RAPGEF6: variants seen among roughly 807,000 people sequenced by gnomAD.
The protein encoded by RAPGEF6 is Rap guanine nucleotide exchange factor 6.
A neutral mutation model predicts 171.4 loss-of-function variants in RAPGEF6; 56 were observed. The observed-to-expected ratio is 0.33, with a 90% CI of 0.26 to 0.41. RAPGEF6 has a LOEUF of 0.41. RAPGEF6 is among the 10% of genes least tolerant of loss of function. The pLI, the probability that RAPGEF6 is intolerant of heterozygous loss-of-function variation, is 1.00. For synonymous variants in RAPGEF6, 692 were observed against 650.1 expected (o/e 1.06, Z -0.98); for missense variants, 1,674 against 1,921.4 (o/e 0.87, Z 2.41).
At chr5:131,458,765 T>C (rs1244299503) in intron 19 of RAPGEF6, among the ~76,000 whole-genome samples, 1 of 152,188 alleles carries the variant, frequency 6.6e-6, no homozygotes, top group Non-Finnish European at 1.5e-5. Flanking sequence ...GTGATTCTCC[T>C]GCCTCAGCCT....
rs1249430825 is a variant in RAPGEF6, at chr5:131,431,294, T to A, written c.4030A>T (p.Ser1344Cys). Residue 1344 changes from serine to cysteine, a missense_variant, in exon 26 of 28, where the codon AGC (serine) becomes TGC (cysteine). Coordinates refer to ENST00000509018, the MANE Select transcript of RAPGEF6 (RefSeq NM_016340.6). Reference sequence around the variant, plus strand: ...TGCTCTTGAGAAATCTCTTCATTGCTCACAGACGATGAGACAGCTAAACAC... The same window carrying A: ...TGCTCTTGAGAAATCTCTTCATTGCACACAGACGATGAGACAGCTAAACAC... ...IKCLAVSSSV[S>C]NEEISQEHII... 1 of 1,613,584 alleles carries A rather than the reference T, an allele frequency of 6.2e-7. No homozygotes were observed. The highest frequency in any genetic ancestry group is 1.3e-5 in the African/African-American group (1 of 74,916).
chr5:131,509,147 C>T (rs1240973078), intron 8 of RAPGEF6, among the ~76,000 whole-genome samples: 1 of 152,184 alleles, frequency 6.6e-6, no homozygotes, highest in African/African-American at 2.4e-5. Context: ...GTGATCTTTG[C>T]ATCTTAAAGA....
intron 8 of RAPGEF6, among the ~76,000 whole-genome samples, chr5:131,509,453 G>C (rs1350205517): frequency 1.3e-5 from 2 of 152,030 alleles, no homozygotes; most frequent in African/African-American, 4.8e-5. Context: ...TGAGGCAGGA[G>C]AATGGCGTGA....
At chr5:131,599,969 C>T (rs1424410456) in intron 3 of RAPGEF6, among the ~76,000 whole-genome samples, 2 of 152,166 alleles carry the variant, frequency 1.3e-5, no homozygotes, top group African/African-American at 4.8e-5. Context: ...CATACTGAAA[C>T]TAATCTGTAA....
At chr5:131,427,991 T>C (rs1267237819) in intron 27 of RAPGEF6, among the ~76,000 whole-genome samples, 2 of 151,902 alleles carry the variant, frequency 1.3e-5, no homozygotes, top group African/African-American at 2.4e-5. Context: ...TAGTCCCACC[T>C]ACTTGGGAGG....
chr5:131,540,967 C>T (rs1385963540), intron 6 of RAPGEF6, among the ~76,000 whole-genome samples: 1 of 152,192 alleles, frequency 6.6e-6, no homozygotes. Flanking sequence ...GGCGACAGTG[C>T]AAGACTCCGT....
chr5:131,448,336 T>G (rs1042371871), intron 21 of RAPGEF6, among the ~76,000 whole-genome samples: 1 of 152,226 alleles, frequency 6.6e-6, no homozygotes, highest in Non-Finnish European at 1.5e-5. Context: ...AATAAAAATA[T>G]TGATTTTTAA....
intron 4 of RAPGEF6, among the ~76,000 whole-genome samples, chr5:131,565,117 T>C (rs1025880680): frequency 2.0e-5 from 3 of 152,182 alleles, no homozygotes; most frequent in African/African-American, 7.2e-5. Context: ...CTACTGTTTA[T>C]ATAAAGTGAA....
At chr5:131,522,522 T>C (rs541689552) in intron 6 of RAPGEF6, among the ~76,000 whole-genome samples, 3 of 152,326 alleles carry the variant, frequency 2.0e-5, no homozygotes, top group African/African-American at 7.2e-5. Flanking sequence ...GTCTGAATTA[T>C]GTTATCTCAA....
At chr5:131,600,601 G>A (rs1206328629) in intron 3 of RAPGEF6, among the ~76,000 whole-genome samples, 5 of 147,618 alleles carry the variant, frequency 3.4e-5, no homozygotes, top group Non-Finnish European at 7.5e-5. Flanking sequence ...GGAGGGGAAG[G>A]GAGGGGAGAG....
intron 24 of RAPGEF6, chr5:131,436,523 A>G (rs1412609567): frequency 9.3e-6 from 7 of 755,902 alleles, no homozygotes; most frequent in Non-Finnish European, 1.2e-5. Context: ...ATGCATGGAA[A>G]AAAATCTACT....
intron 18 of RAPGEF6, among the ~76,000 whole-genome samples, chr5:131,463,141 A>C (rs1754055676): frequency 6.6e-6 from 1 of 152,188 alleles, no homozygotes; most frequent in Admixed American, 6.5e-5. Context: ...GGCAATCTGA[A>C]TCCAGGGTCT....
intron 6 of RAPGEF6, among the ~76,000 whole-genome samples, chr5:131,522,458 A>T (rs543902059): frequency 3.9e-5 from 6 of 152,348 alleles, no homozygotes; most frequent in Admixed American, 2.0e-4. Flanking sequence ...AATGAAAAAC[A>T]TTAAAGAAAC....
Position 131,464,301 on chromosome 5 carries a change from T to A in RAPGEF6, c.2240-20A>T, listed in dbSNP as rs757137870. ...GGATATCTACATAAATAGAAAGATATGCTTTGTTATTTTTTAAAAAAATCA... is the reference window on the plus strand; with the variant it reads ...GGATATCTACATAAATAGAAAGATAAGCTTTGTTATTTTTTAAAAAAATCA... On this transcript the variant is annotated intron_variant, in intron 17 of 27. Transcript: ENST00000509018. The A allele has an allele frequency of 1.1e-5, 17 of 1,595,274 alleles. No individual in the cohort carries two copies. Among genetic ancestry groups the A allele is most frequent in the Middle Eastern group, 3.3e-4 (2 of 5,982 alleles).
chr5:131,628,443 C>A (rs1313582469), intron 1 of RAPGEF6, among the ~76,000 whole-genome samples: 1 of 152,142 alleles, frequency 6.6e-6, no homozygotes, highest in African/African-American at 2.4e-5. Flanking sequence ...GATGAGATGG[C>A]TGCAGAAGAA....
At chr5:131,558,957 T>C (rs1238026174) in intron 5 of RAPGEF6, among the ~76,000 whole-genome samples, 1 of 152,208 alleles carries the variant, frequency 6.6e-6, no homozygotes, top group African/African-American at 2.4e-5. Context: ...AGGTAAAATG[T>C]GTACATGATG....
Position 131,603,255 on chromosome 5 carries a change from T to C in RAPGEF6, c.197+16A>G, listed in dbSNP as rs766669302. The stretch of plus-strand genomic sequence containing the variant: ...CATAAAAGTCATTAGTTTATGTGAA[T>C]TATGGAAATACTTACCAAAAGAGAA... On this transcript the variant is annotated intron_variant, in intron 3 of 27. Transcript: ENST00000509018. The C allele has an allele frequency of 2.3e-5, 36 of 1,558,602 alleles. 2 individuals are homozygous for C. In the South Asian group the frequency reaches 3.8e-4, roughly 17 times the overall value.
At chr5:131,441,516 C>A (rs1329529718) in intron 23 of RAPGEF6, among the ~76,000 whole-genome samples, 1 of 152,112 alleles carries the variant, frequency 6.6e-6, no homozygotes, top group Non-Finnish European at 1.5e-5. Context: ...GATGTTATTT[C>A]CAAAAAGCCT....
At chr5:131,574,864 T>C (rs1482407809) in intron 4 of RAPGEF6, among the ~76,000 whole-genome samples, 1 of 152,004 alleles carries the variant, frequency 6.6e-6, no homozygotes, top group Non-Finnish European at 1.5e-5. Flanking sequence ...CAGTACCCCA[T>C]CCCACAACAG....
Sources: gnomAD v4.1 joint callset for allele counts (sites outside exome capture counted in the v4.1 genomes callset) on GRCh38, gnomAD v4.1.1 for gene constraint, MANE v1.5 for transcripts, NCBI Gene and HGNC (gene_info 2026-07-23, HGNC 2026-07-21) for gene names.